ERI2: variants seen among roughly 807,000 people sequenced by gnomAD.
ERI2 encodes ERI1 exoribonuclease 2.
ERI2 carries 35 observed loss-of-function variants against 46.8 expected under a neutral mutation model. The observed-to-expected ratio is 0.75, with a 90% CI of 0.57 to 0.99. The LOEUF (loss-of-function observed/expected upper bound fraction) is 0.99, where lower values mean the gene tolerates loss of function less well. Ranked by LOEUF, ERI2 falls within the 50% of genes least tolerant of loss-of-function variation. The pLI is 0.00. For missense variants in ERI2, 695 were observed against 796.2 expected, an observed-to-expected ratio of 0.87 and a Z score of 1.53; for synonymous variants, 224 against 271.0, an observed-to-expected ratio of 0.83 and a Z score of 1.70.
chr16:20,792,043 C>T (rs1414795546), downstream of ERI2: 5 of 1,613,968 alleles, frequency 3.1e-6, no homozygotes, highest in Non-Finnish European at 4.2e-6. Context: ...GAGGCAATTT[C>T]TATATCACTG....
chr16:20,786,889 C>T (rs2080485975), intron 10 of ERI2, among the ~76,000 whole-genome samples: 2 of 152,164 alleles, frequency 1.3e-5, no homozygotes, highest in South Asian at 2.1e-4. Context: ...CACTGGTCCT[C>T]TCAGGCAAGG....
At chr16:20,804,239 T>TA (rs1301768550) in intron 1 of ERI2, among the ~76,000 whole-genome samples, 1 of 152,170 alleles carries the variant, frequency 6.6e-6, no homozygotes, top group Non-Finnish European at 1.5e-5. Flanking sequence ...ATTGTAGAGG[T>TA]AAAAATGCAC....
intron 10 of ERI2, chr16:20,784,859 G>A: frequency 9.9e-7 from 1 of 1,010,578 alleles, no homozygotes; most frequent in Non-Finnish European, 1.4e-6. Flanking sequence ...GGTTTGTTTT[G>A]TGCTAGGGAG....
In ERI2 at chr16:20,798,742, A is replaced by C; in HGVS notation, c.1058T>G (p.Met353Arg). ...ATGTTCATTTTTTCCTTGCTTTTGC[A>C]TATAGATAGGTGAATTCAAGGTAGG... is the stretch of plus-strand genomic sequence containing the variant. ...QSPTLNSPIY[M>R]QKQGKNEHLA... The change falls in exon 9 of 9, where the codon ATG (methionine) becomes AGG (arginine). Residue 353 changes from methionine to arginine, a missense_variant. Transcript: ENST00000357967. 1 of 1,551,616 alleles carries C rather than the reference A, an allele frequency of 6.4e-7. No individual in the cohort carries two copies.
In ERI2 at chr16:20,796,425, A is replaced by G; in HGVS notation, c.*1299T>C. 6.2e-7 allele frequency: 1 copy of G among 1,613,982 alleles called. No individual in the cohort carries two copies. The highest frequency in any genetic ancestry group is 8.5e-7 in the Non-Finnish European group (1 of 1,179,958). The stretch of plus-strand genomic sequence containing the variant: ...GATTACAAGTCACATGATCAAGAAC[A>G]ACTAATAAAGGAGATTCAGGAGCAT... On this transcript the variant is annotated 3_prime_UTR_variant, in exon 9 of 9. Transcript: ENST00000357967.
chr16:20,782,198 A>G (rs2080366594), intron 10 of ERI2, among the ~76,000 whole-genome samples: 1 of 152,220 alleles, frequency 6.6e-6, no homozygotes, highest in Non-Finnish European at 1.5e-5. Flanking sequence ...TAATCCAAAA[A>G]GAAAAACAAC....
chr16:20,787,151 T>G (rs1436659530), intron 10 of ERI2, among the ~76,000 whole-genome samples: 1 of 152,226 alleles, frequency 6.6e-6, no homozygotes, highest in Non-Finnish European at 1.5e-5. Flanking sequence ...TAACACTAAT[T>G]TGGACACTCC....
downstream of ERI2, chr16:20,796,142 G>A: frequency 1.7e-6 from 1 of 585,710 alleles, no homozygotes; most frequent in Non-Finnish European, 2.8e-6. Flanking sequence ...CCCATGCTGA[G>A]GGCTAGGCTG....
intron 10 of ERI2, chr16:20,785,998 T>C (rs1183239863): frequency 2.1e-6 from 2 of 955,824 alleles, no homozygotes; most frequent in East Asian, 5.5e-5. Flanking sequence ...CAATAAATAA[T>C]TTGTTGAATG....
chr16:20,789,511 G>C (rs977892178), exon 10 of ERI2: 2 of 1,613,528 alleles, frequency 1.2e-6, no homozygotes, highest in African/African-American at 2.7e-5. Context: ...CCCTTTTCCT[G>C]TTTACTCATA....
At position 20,798,034 on chromosome 16, in the gene ERI2, C is replaced by G. The variant is rs775766126; in HGVS notation, c.1766G>C (p.Ser589Thr). 10 of 1,551,882 alleles carry G rather than the reference C, an allele frequency of 6.4e-6. No homozygotes were observed. The East Asian group carries it at 2.0e-4, about 30-fold the overall frequency. The change falls in exon 9 of 9, where the codon AGT (serine) becomes ACT (threonine). Residue 589 changes from serine to threonine, a missense_variant. Coordinates refer to ENST00000357967, the MANE Select transcript of ERI2 (RefSeq NM_001142725.2). ...GCATAATGGAGGTGTCATTTTCCCA[C>G]TCTTCCATGGCTCTTGTAGGTTAAC... is the stretch of plus-strand genomic sequence containing the variant. ...STVNLQEPWKSGKMTPPLCKC... is the reference protein window; with the variant it reads ...STVNLQEPWKTGKMTPPLCKC...
chr16:20,785,204 A>T, intron 10 of ERI2: 1 of 1,499,432 alleles, frequency 6.7e-7, no homozygotes, highest in South Asian at 1.2e-5. Context: ...TTTGAGGGAT[A>T]GGAGTTGAGT....
chr16:20,806,183 C>T (rs2080868315), intron 1 of ERI2: 1 of 1,396,082 alleles, frequency 7.2e-7, no homozygotes, highest in African/African-American at 1.5e-5. Context: ...AGGGTTCGTC[C>T]GCCTCGGGCT....
In ERI2 at chr16:20,797,707, TC is replaced by T; in HGVS notation, c.*16del. On this transcript the variant is annotated 3_prime_UTR_variant, in exon 9 of 9. Coordinates refer to ENST00000357967, the MANE Select transcript of ERI2 (RefSeq NM_001142725.2). ...TGGAAATTCAAGGAACAATTAGGAT[TC>T]ATACATGAAAGGTTATCAATTCCTC... 6.6e-7 allele frequency: 1 copy of T among 1,513,084 alleles called. No individual in the cohort carries two copies. The highest frequency in any genetic ancestry group is 1.3e-5 in the South Asian group (1 of 76,536). The allele number at this position is 1,513,084 out of a possible 1,614,324, so 93.7% of individuals were successfully genotyped here.
At chr16:20,786,194 C>A in intron 10 of ERI2, 3 of 1,605,908 alleles carry the variant, frequency 1.9e-6, no homozygotes, top group Non-Finnish European at 2.6e-6. Flanking sequence ...TGTTTAACAA[C>A]CCAATCTGTA....
chr16:20,782,550 C>G (rs546910494), intron 10 of ERI2, among the ~76,000 whole-genome samples: 1 of 152,322 alleles, frequency 6.6e-6, no homozygotes, highest in Admixed American at 6.5e-5. Flanking sequence ...CCCACATTGA[C>G]CAATTCTCCA....
At chr16:20,791,901 C>G (rs1248382814), downstream of ERI2, 1 of 1,415,218 alleles carries the variant, frequency 7.1e-7, no homozygotes, top group African/African-American at 1.4e-5. Flanking sequence ...GCACTCCAGC[C>G]TGGGTAACAG....
At position 20,798,555 on chromosome 16, in the gene ERI2, TG is replaced by T. The variant is rs1342633185; in HGVS notation, c.1244del (p.Pro415GlnfsTer9). On this transcript the variant is annotated frameshift_variant, in exon 9 of 9. Transcript: ENST00000357967. LOFTEE classifies it high-confidence loss of function. Reference sequence around the variant, plus strand: ...CTACGTTTTCCTCAGGCTGAGATGCTGGCAGTAAAACCACATCCTCCCAATC... The same window carrying T: ...CTACGTTTTCCTCAGGCTGAGATGCTGCAGTAAAACCACATCCTCCCAATC... ...LADWEDVVLL[P>X]ASQPEENVDC... The T allele has an allele frequency of 1.9e-6, 3 of 1,551,506 alleles. No individual in the cohort carries two copies. Among genetic ancestry groups the T allele is most frequent in the Non-Finnish European group, 1.7e-6 (2 of 1,146,916 alleles).
At chr16:20,780,973 G>A (rs765634803) in intron 10 of ERI2, 5 of 1,614,050 alleles carry the variant, frequency 3.1e-6, no homozygotes, top group Non-Finnish European at 3.4e-6. Flanking sequence ...TGTTTTCCCA[G>A]GTTCTGGCTA....
Sources: gnomAD v4.1 joint callset for allele counts (sites outside exome capture counted in the v4.1 genomes callset) on GRCh38, gnomAD v4.1.1 for gene constraint, MANE v1.5 for transcripts, NCBI Gene and HGNC (gene_info 2026-07-23, HGNC 2026-07-21) for gene names.